Variants in TENM2 observed in about 807,000 individuals in gnomAD.
The protein encoded by TENM2 is teneurin-2.
A neutral mutation model predicts 245.2 loss-of-function variants in TENM2; 52 were observed. The observed-to-expected ratio is 0.21, with a 90% CI of 0.17 to 0.27. TENM2 has a LOEUF of 0.27. TENM2 is among the 10% of genes least tolerant of loss of function. TENM2 has a pLI of 1.00. For synonymous variants in TENM2, 1,363 were observed against 1,438.9 expected (o/e 0.95, Z 1.19); for missense variants, 3,046 against 3,666.8 (o/e 0.83, Z 4.37).
intron 5 of TENM2, among the ~76,000 whole-genome samples, chr5:168,004,519 A>G (rs4976567): frequency 0.082 from 2,590 of 31,670 alleles, 34 homozygotes; most frequent in East Asian, 0.099. Flanking sequence ...GCGCGCGCGC[A>G]CACACACACA....
At chr5:167,064,831 A>G in the TENM2 span, among the ~76,000 whole-genome samples, 1 of 152,188 alleles carries the variant, frequency 6.6e-6, no homozygotes, top group Non-Finnish European at 1.5e-5. Flanking sequence ...GACATACGGG[A>G]TTCTTATTTT....
chr5:167,555,268 A>T (rs1266645763), intron 2 of TENM2, among the ~76,000 whole-genome samples: 1 of 152,212 alleles, frequency 6.6e-6, no homozygotes, highest in East Asian at 1.9e-4. Context: ...TGGCCTTAAA[A>T]ATAGTTTTGA....
intron 2 of TENM2, among the ~76,000 whole-genome samples, chr5:167,859,993 T>C (rs1325077179): frequency 1.6e-5 from 1 of 61,914 alleles, no homozygotes; most frequent in Non-Finnish European, 3.2e-5. Flanking sequence ...AGCCGCCCCG[T>C]CCGGGAGGGA....
chr5:168,143,472 A>G (rs1234271089), intron 12 of TENM2, among the ~76,000 whole-genome samples: 1 of 152,188 alleles, frequency 6.6e-6, no homozygotes, highest in Non-Finnish European at 1.5e-5. Context: ...AGTGGGGGGA[A>G]AAAACCCTGC....
At chr5:167,678,682 T>TA (rs1360521042) in intron 2 of TENM2, among the ~76,000 whole-genome samples, 6 of 151,966 alleles carry the variant, frequency 3.9e-5, no homozygotes, top group African/African-American at 1.2e-4. Flanking sequence ...TGAGTGAAAG[T>TA]AAAAAAAGAA....
At chr5:167,073,943 A>G in the TENM2 span, among the ~76,000 whole-genome samples, 7 of 152,180 alleles carry the variant, frequency 4.6e-5, no homozygotes, top group Non-Finnish European at 1.0e-4. Flanking sequence ...CTGGCCCCCT[A>G]TAACAAATGT....
At chr5:168,075,258 T>C (rs1791368566) in intron 7 of TENM2, among the ~76,000 whole-genome samples, 3 of 152,202 alleles carry the variant, frequency 2.0e-5, no homozygotes, top group Admixed American at 6.5e-5. Context: ...GCTGTGAATG[T>C]CGTTATTTCA....
chr5:167,598,427 G>A (rs1428645423), intron 2 of TENM2, among the ~76,000 whole-genome samples: 3 of 152,054 alleles, frequency 2.0e-5, no homozygotes, highest in Non-Finnish European at 4.4e-5. Context: ...ATCTCAAGGG[G>A]GACTATGATA....
the TENM2 span, among the ~76,000 whole-genome samples, chr5:167,238,694 C>CAAAAAAAAA: frequency 3.4e-5 from 2 of 58,116 alleles, no homozygotes; most frequent in Non-Finnish European, 8.2e-5. Flanking sequence ...ACAGGAGATG[C>CAAAAAAAAA]AAAAAAAAAA....
the TENM2 span, among the ~76,000 whole-genome samples, chr5:167,136,863 C>T: frequency 6.6e-6 from 1 of 152,100 alleles, no homozygotes; most frequent in East Asian, 1.9e-4. Flanking sequence ...TTATATGTTT[C>T]TCTAAATTTT....
the TENM2 span, among the ~76,000 whole-genome samples, chr5:167,235,774 G>A: frequency 0.21 from 32,416 of 152,028 alleles, 3,991 homozygotes; most frequent in African/African-American, 0.34. Flanking sequence ...AGTTTCATTA[G>A]CTTACCTTAA....
intron 2 of TENM2, among the ~76,000 whole-genome samples, chr5:167,584,205 T>C (rs1319072445): frequency 2.0e-5 from 3 of 152,182 alleles, no homozygotes; most frequent in African/African-American, 7.2e-5. Context: ...AATGAAAGCA[T>C]AGATTTATTG....
At chr5:167,240,182 A>C in the TENM2 span, among the ~76,000 whole-genome samples, 2 of 151,974 alleles carry the variant, frequency 1.3e-5, no homozygotes, top group Admixed American at 6.6e-5. Context: ...TCTTGTGCTG[A>C]CATGACTAAA....
intron 2 of TENM2, among the ~76,000 whole-genome samples, chr5:167,395,421 C>T (rs1051712394): frequency 3.9e-5 from 6 of 152,066 alleles, no homozygotes; most frequent in African/African-American, 1.4e-4. Flanking sequence ...GGGTTTTCTG[C>T]ATATAAGATT....
the TENM2 span, among the ~76,000 whole-genome samples, chr5:167,081,045 A>G: frequency 3.2e-3 from 481 of 152,020 alleles, no homozygotes; most frequent in African/African-American, 0.011. Flanking sequence ...GATACATTCT[A>G]ATCAAATTGA....
the TENM2 span, among the ~76,000 whole-genome samples, chr5:167,096,834 C>A: frequency 6.6e-6 from 1 of 152,194 alleles, no homozygotes; most frequent in African/African-American, 2.4e-5. Context: ...TATCTCAATG[C>A]AGCCTTGTCA....
intron 2 of TENM2, among the ~76,000 whole-genome samples, chr5:167,645,369 A>G (rs1315096820): frequency 6.6e-6 from 1 of 152,190 alleles, no homozygotes; most frequent in Non-Finnish European, 1.5e-5. Flanking sequence ...GGAAAAAGCA[A>G]TGTTCAAACG....
At chr5:167,447,402 G>A (rs1362988006) in intron 2 of TENM2, among the ~76,000 whole-genome samples, 2 of 152,214 alleles carry the variant, frequency 1.3e-5, no homozygotes, top group East Asian at 1.9e-4. Context: ...CTACATTAAT[G>A]TGTATTAAAA....
At chr5:167,103,846 A>G in the TENM2 span, among the ~76,000 whole-genome samples, 7 of 142,618 alleles carry the variant, frequency 4.9e-5, no homozygotes, top group South Asian at 6.6e-4. Context: ...AGCAATACTG[A>G]AAAAAAAAAA....
Sources: gnomAD v4.1 joint callset for allele counts (sites outside exome capture counted in the v4.1 genomes callset) on GRCh38, gnomAD v4.1.1 for gene constraint, MANE v1.5 for transcripts, NCBI Gene and HGNC (gene_info 2026-07-23, HGNC 2026-07-21) for gene names.